DHRS4L2: variants seen among roughly 807,000 people sequenced by gnomAD.
DHRS4L2 encodes dehydrogenase/reductase 4 like 2.
A neutral mutation model predicts 23.9 loss-of-function variants in DHRS4L2; 22 were observed. The ratio of observed to expected loss-of-function variants is 0.92; its 90% confidence interval spans 0.66 to 1.31. The LOEUF is 1.31. Among genes scored for constraint, DHRS4L2 ranks in the 40% most tolerant of loss-of-function variants. The probability of loss-of-function intolerance (pLI) is 0.00; values close to 1 mark genes in which losing one functional copy is unlikely to be tolerated. For synonymous variants in DHRS4L2, 141 were observed against 123.7 expected (o/e 1.14, Z -0.93); for missense variants, 385 against 303.3 (o/e 1.27, Z -2.00).
At chr14:23,992,030 C>A (rs1267412518) in intron 2 of DHRS4L2, among the ~76,000 whole-genome samples, 1 of 151,530 alleles carries the variant, frequency 6.6e-6, no homozygotes, top group African/African-American at 2.4e-5. Context: ...CCACTGTGCC[C>A]GGCCATAGCT....
At chr14:23,989,222 T>G in intron 1 of DHRS4L2, 147 bp downstream of exon 1, 7 of 1,435,060 alleles carry the variant, frequency 4.9e-6, no homozygotes, top group Non-Finnish European at 6.5e-6. Flanking sequence ...GTGGTCCGCC[T>G]GAAGCCCCTC....
intron 1 of DHRS4L2, 108 bp downstream of exon 1, chr14:23,989,183 A>C: frequency 8.7e-6 from 13 of 1,488,968 alleles, no homozygotes; most frequent in South Asian, 1.3e-5. Flanking sequence ...CATACCGCCA[A>C]AGTCTGGCCA....
In DHRS4L2 at chr14:24,006,103, C is replaced by T; in HGVS notation, c.*240C>T. 7.0e-7 allele frequency: 1 copy of T among 1,432,682 alleles called. No homozygotes were observed. The highest frequency in any genetic ancestry group is 2.4e-4 in the Middle Eastern group (1 of 4,206). The allele number at this position is 1,432,682 out of a possible 1,614,324, so 88.7% of individuals were successfully genotyped here. Reference sequence around the variant, plus strand: ...CCACCTCTGCTCACCTTACTGTTCACCTCATCAAATCAGTTCTGCCCTGTG... The same window carrying T: ...CCACCTCTGCTCACCTTACTGTTCATCTCATCAAATCAGTTCTGCCCTGTG... On this transcript the variant is annotated 3_prime_UTR_variant, in exon 8 of 8. Transcript: ENST00000335125.
intron 2 of DHRS4L2, 107 bp downstream of exon 2, chr14:23,990,466 T>G (rs2034248028): frequency 7.0e-7 from 1 of 1,431,832 alleles, no homozygotes; most frequent in Admixed American, 2.7e-5. Context: ...TGTGTGCCTT[T>G]CTATTATGTC....
exon 1 of DHRS4L2, chr14:23,969,916 G>C (rs112641258): frequency 2.0e-5 from 9 of 440,728 alleles, no homozygotes; most frequent in African/African-American, 2.0e-5. Flanking sequence ...GGGAGCCCGC[G>C]CTCCAAGGCC....
At position 24,004,379 on chromosome 14, in the gene DHRS4L2, C is replaced by T; in HGVS notation, c.*9C>T. The T allele has an allele frequency of 6.2e-7, 1 of 1,603,820 alleles. No homozygotes were observed. Among genetic ancestry groups the T allele is most frequent in the South Asian group, 1.1e-5 (1 of 90,230 alleles). On this transcript the variant is annotated 3_prime_UTR_variant, in exon 7 of 8. Coordinates refer to ENST00000335125, the MANE Select transcript of DHRS4L2 (RefSeq NM_198083.4). ...AAAAGAGGAAAGCATGAAAGAAACC[C>T]TGCGGATAAGAAGGTAAACTGTCAT...
chr14:24,001,189 C>G, intron 5 of DHRS4L2, 105 bp downstream of exon 5: 1 of 1,599,784 alleles, frequency 6.3e-7, no homozygotes, highest in Non-Finnish European at 8.5e-7. Context: ...AATCACACCA[C>G]CAAGTCCCTG....
intron 3 of DHRS4L2, among the ~76,000 whole-genome samples, chr14:23,995,488 T>C (rs112100614): frequency 0.026 from 3,921 of 149,172 alleles, 115 homozygotes; most frequent in Middle Eastern, 0.058. Context: ...CCACCTGTCC[T>C]CTTTTCAGCT....
Position 24,001,557 on chromosome 14 carries a change from A to G in DHRS4L2, c.665+40A>G, listed in dbSNP as rs762982923. On this transcript the variant is annotated intron_variant, in intron 6 of 7. Transcript: ENST00000335125. ...CTTTGCATTTGACTGGGACCCCTTGAAAGGCATCCATCTTCTTGGACAGGG... is the reference window on the plus strand; with the variant it reads ...CTTTGCATTTGACTGGGACCCCTTGGAAGGCATCCATCTTCTTGGACAGGG... 304 of 1,592,996 alleles carry G rather than the reference A, an allele frequency of 1.9e-4. 6 individuals carry two copies. Among genetic ancestry groups the G allele is most frequent in the East Asian group, 2.0e-4 (9 of 43,924 alleles).
At chr14:23,976,811 G>C (rs1381609123) in intron 1 of DHRS4L2, among the ~76,000 whole-genome samples, 1 of 151,798 alleles carries the variant, frequency 6.6e-6, no homozygotes, top group Non-Finnish European at 1.5e-5. Context: ...GCAGGGACAT[G>C]GATGAAGCTG....
In DHRS4L2 at chr14:24,006,243, C is replaced by T. The variant is rs2034576723; in HGVS notation, c.*380C>T. ...ACACAGGACAGGCCTGCTGACAAGGCTGAGTCTACCTTGGCAAAGACCAAG... is the reference window on the plus strand; with the variant it reads ...ACACAGGACAGGCCTGCTGACAAGGTTGAGTCTACCTTGGCAAAGACCAAG... On this transcript the variant is annotated 3_prime_UTR_variant, in exon 8 of 8. Coordinates refer to ENST00000335125, the MANE Select transcript of DHRS4L2 (RefSeq NM_198083.4). 5.6e-6 allele frequency: 3 copies of T among 532,348 alleles called. No individual in the cohort carries two copies. The highest frequency in any genetic ancestry group is 9.2e-6 in the Non-Finnish European group (3 of 327,648). The allele number at this position is 532,348 out of a possible 1,614,324, so 33.0% of individuals were successfully genotyped here.
At chr14:23,973,471 C>A (rs1324959829) in intron 1 of DHRS4L2, among the ~76,000 whole-genome samples, 5 of 151,928 alleles carry the variant, frequency 3.3e-5, no homozygotes, top group African/African-American at 1.2e-4. Context: ...TCAAGCGTGG[C>A]CAGAGTGGGT....
intron 1 of DHRS4L2, among the ~76,000 whole-genome samples, chr14:23,974,790 A>G (rs1021572516): frequency 2.0e-5 from 3 of 151,870 alleles, no homozygotes; most frequent in African/African-American, 4.8e-5. Context: ...CCAGGACCAG[A>G]TGGATTCATA....
At chr14:23,973,721 C>T (rs1341519384) in intron 1 of DHRS4L2, among the ~76,000 whole-genome samples, 17 of 151,624 alleles carry the variant, frequency 1.1e-4, no homozygotes, top group Admixed American at 1.1e-3. Flanking sequence ...TATATATGCA[C>T]CCAATACAGG....
intron 1 of DHRS4L2, among the ~76,000 whole-genome samples, chr14:23,977,533 T>C (rs2033990417): frequency 6.7e-6 from 1 of 148,664 alleles, no homozygotes; most frequent in Admixed American, 6.6e-5. Context: ...GGGGAAAAAT[T>C]CATCAAAACT....
chr14:23,984,439 T>C (rs1278519834), upstream of DHRS4L2, among the ~76,000 whole-genome samples: 1 of 151,558 alleles, frequency 6.6e-6, no homozygotes, highest in Non-Finnish European at 1.5e-5. Flanking sequence ...CAAAATGAAG[T>C]GTAGCTATAC....
In DHRS4L2 at chr14:23,996,113, T is replaced by C. The variant is rs185155174; in HGVS notation, c.408+980T>C. On this transcript the variant is annotated intron_variant, in intron 3 of 7. Coordinates refer to ENST00000335125, the MANE Select transcript of DHRS4L2 (RefSeq NM_198083.4). ...GAGATACCAGTCTCTTTTAAACAACTAGTTCTGGCATGAAATAATAGAGTG... is the reference window on the plus strand; with the variant it reads ...GAGATACCAGTCTCTTTTAAACAACCAGTTCTGGCATGAAATAATAGAGTG... Among the ~76,000 whole-genome samples the C allele has an allele frequency of 6.9e-4, 104 of 151,682 alleles. 1 individual carries two copies. Among genetic ancestry groups the C allele is most frequent in the Non-Finnish European group, 1.3e-3 (86 of 67,856 alleles).
At position 23,990,204 on chromosome 14, in the gene DHRS4L2, C is replaced by G. The variant is rs146647822; in HGVS notation, c.151C>G (p.Arg51Gly). 5.6e-6 allele frequency: 9 copies of G among 1,612,744 alleles called. No homozygotes were observed. Among genetic ancestry groups the G allele is most frequent in the Admixed American group, 1.7e-5 (1 of 59,968 alleles). Residue 51 changes from arginine to glycine, a missense_variant, in exon 2 of 8, where the codon CGT becomes GGT. Physicochemically the swap from Arg to Gly is moderately radical, Grantham distance 125. Coordinates refer to ENST00000335125, the MANE Select transcript of DHRS4L2 (RefSeq NM_198083.4). ...TDGIGFAIAR[R>G]LAQDRAHVVV... ...CAGGATCGGCTTCGCCATCGCCCGG[C>G]GTTTGGCCCAGGACAGGGCCCACGT...
Position 24,004,413 on chromosome 14 carries a change from G to A in DHRS4L2, c.*22+21G>A, listed in dbSNP as rs373778275. On this transcript the variant is annotated intron_variant, in intron 7 of 7. Coordinates refer to ENST00000335125, the MANE Select transcript of DHRS4L2 (RefSeq NM_198083.4). The stretch of plus-strand genomic sequence containing the variant: ...AGAAGGTAAACTGTCATGAGGGCAA[G>A]GGCACTAAGAGACATGAAGATGGGA... The A allele has an allele frequency of 2.6e-5, 42 of 1,595,500 alleles. No homozygotes were observed. The African/African-American group carries it at 5.7e-4, about 22-fold the overall frequency.
Sources: allele counts gnomAD v4.1 joint callset (sites outside exome capture counted in the v4.1 genomes callset), GRCh38; gene constraint gnomAD v4.1.1; transcripts MANE v1.5; gene names NCBI Gene and HGNC (gene_info 2026-07-23, HGNC 2026-07-21).